The following ENOX1 variants were observed in gnomAD, a reference collection of about 807,000 sequenced individuals.
ENOX1 encodes the protein candidate growth-related and time keeping constitutive hydroquinone (NADH) oxidase.
A neutral mutation model predicts 82.5 loss-of-function variants in ENOX1; 42 were observed. That is an observed-to-expected ratio of 0.51 (90% CI 0.40 to 0.66). The LOEUF (loss-of-function observed/expected upper bound fraction) is 0.66, where lower values mean the gene tolerates loss of function less well. Ranked by LOEUF, ENOX1 falls within the 30% of genes least tolerant of loss-of-function variation. The pLI, the probability that ENOX1 is intolerant of heterozygous loss-of-function variation, is 0.00. For synonymous variants in ENOX1, 271 were observed against 282.2 expected, an observed-to-expected ratio of 0.96 and a Z score of 0.40; for missense variants, 608 against 811.6, an observed-to-expected ratio of 0.75 and a Z score of 3.05.
At chr13:43,655,523 CAACT>C (rs751773449) in intron 2 of ENOX1, among the ~76,000 whole-genome samples, 4 of 152,140 alleles carry the variant, frequency 2.6e-5, no homozygotes, top group Non-Finnish European at 5.9e-5. Context: ...TAGCATGCAC[CAACT>C]GTCTTCCTCC....
intron 2 of ENOX1, among the ~76,000 whole-genome samples, chr13:43,625,240 T>C (rs905828285): frequency 6.6e-6 from 1 of 152,048 alleles, no homozygotes; most frequent in African/African-American, 2.4e-5. Context: ...CTTGCTGAGC[T>C]AACTCCAGGA....
intron 5 of ENOX1, among the ~76,000 whole-genome samples, chr13:43,399,825 A>T (rs1168288042): frequency 1.3e-5 from 2 of 152,014 alleles, no homozygotes; most frequent in Admixed American, 1.3e-4. Context: ...CACAGAAAGG[A>T]TCCCCACATA....
chr13:43,776,777 C>G (rs897661947), intron 1 of ENOX1, among the ~76,000 whole-genome samples: 2 of 151,666 alleles, frequency 1.3e-5, no homozygotes, highest in Non-Finnish European at 2.9e-5. Flanking sequence ...ACAAGCTGTG[C>G]TACAGACGTG....
chr13:43,763,169 T>C (rs1951079091), intron 1 of ENOX1, among the ~76,000 whole-genome samples: 1 of 152,230 alleles, frequency 6.6e-6, no homozygotes. Context: ...GCCTTGTCTA[T>C]GTCTGGGCTG....
At chr13:43,393,262 T>C (rs2153583278) in intron 5 of ENOX1, among the ~76,000 whole-genome samples, 1 of 152,370 alleles carries the variant, frequency 6.6e-6, no homozygotes, top group Admixed American at 6.5e-5. Flanking sequence ...TATGGGTATT[T>C]AGGCCTAAGT....
intron 2 of ENOX1, among the ~76,000 whole-genome samples, chr13:43,598,206 A>G (rs200905739): frequency 3.7e-5 from 2 of 53,626 alleles, no homozygotes; most frequent in South Asian, 1.4e-3. Flanking sequence ...GCCTTTAAAG[A>G]AAAAAAAAAA....
At chr13:43,565,033 G>T (rs547797235) in intron 2 of ENOX1, among the ~76,000 whole-genome samples, 1 of 152,276 alleles carries the variant, frequency 6.6e-6, no homozygotes, top group South Asian at 2.1e-4. Flanking sequence ...TGGGGAAGGG[G>T]AGAAGCAATG....
intron 1 of ENOX1, among the ~76,000 whole-genome samples, chr13:43,718,030 G>T (rs1217591200): frequency 6.6e-6 from 1 of 151,930 alleles, no homozygotes; most frequent in Admixed American, 6.6e-5. Flanking sequence ...CTCACTACTG[G>T]GTATATACCC....
intron 3 of ENOX1, among the ~76,000 whole-genome samples, chr13:43,467,686 T>C (rs949000141): frequency 6.6e-6 from 1 of 152,166 alleles, no homozygotes; most frequent in African/African-American, 2.4e-5. Context: ...TCTATATTTT[T>C]CTTTTGCTGT....
At chr13:43,495,317 G>A (rs984672695) in intron 2 of ENOX1, among the ~76,000 whole-genome samples, 2 of 152,034 alleles carry the variant, frequency 1.3e-5, no homozygotes, top group African/African-American at 4.8e-5. Context: ...ACCCCTGAAA[G>A]TTTCCTTCTA....
chr13:43,247,844 TATATATATATATATATATATATATATATA>T (rs1566328413), intron 14 of ENOX1, among the ~76,000 whole-genome samples: 1,066 of 5,080 alleles, frequency 0.21, 85 homozygotes, highest in East Asian at 0.26. Context: ...TATATATATA[TATATATATATATATATATATATATATATA>T]TATATATATA....
intron 2 of ENOX1, among the ~76,000 whole-genome samples, chr13:43,620,924 G>A (rs1055921655): frequency 6.6e-6 from 1 of 152,092 alleles, no homozygotes; most frequent in Admixed American, 6.6e-5. Flanking sequence ...AAACTTGGGA[G>A]CTCCAGTGTT....
chr13:43,362,894 A>G (rs946288795), intron 5 of ENOX1, among the ~76,000 whole-genome samples: 1 of 151,770 alleles, frequency 6.6e-6, no homozygotes, highest in African/African-American at 2.4e-5. Context: ...ATAGTGTATC[A>G]GTGTGACTTC....
intron 3 of ENOX1, among the ~76,000 whole-genome samples, chr13:43,465,924 T>A (rs1055319939): frequency 8.5e-5 from 13 of 152,188 alleles, no homozygotes; most frequent in Non-Finnish European, 1.5e-4. Flanking sequence ...AGATTTCTGT[T>A]ACTTTAAAAT....
intron 1 of ENOX1, among the ~76,000 whole-genome samples, chr13:43,785,782 T>C (rs953181397): frequency 1.2e-4 from 19 of 152,004 alleles, no homozygotes; most frequent in African/African-American, 4.1e-4. Context: ...GAGGGCGGGG[T>C]TACGCCTTCA....
At chr13:43,580,976 T>C (rs73476073) in intron 2 of ENOX1, among the ~76,000 whole-genome samples, 1,601 of 152,218 alleles carry the variant, frequency 0.011, 32 homozygotes, top group African/African-American at 0.037. Flanking sequence ...GTTAGGACCT[T>C]GTGTTGAAAT....
intron 2 of ENOX1, among the ~76,000 whole-genome samples, chr13:43,647,575 T>C (rs1357259157): frequency 6.6e-6 from 1 of 152,170 alleles, no homozygotes; most frequent in Admixed American, 6.5e-5. Flanking sequence ...ATAAATGACT[T>C]AGGAAGACTC....
At chr13:43,245,962 G>A (rs558919640) in intron 14 of ENOX1, among the ~76,000 whole-genome samples, 11 of 152,266 alleles carry the variant, frequency 7.2e-5, no homozygotes, top group Admixed American at 2.0e-4. Flanking sequence ...AACTAGTTAC[G>A]GCTCACACGA....
At chr13:43,268,443 ATTAG>A (rs1020547088) in intron 13 of ENOX1, among the ~76,000 whole-genome samples, 10 of 152,334 alleles carry the variant, frequency 6.6e-5, no homozygotes, top group Non-Finnish European at 1.0e-4. Context: ...AAAGATAATT[ATTAG>A]TTTTATAAAG....
Sources: allele counts gnomAD v4.1 joint callset (sites outside exome capture counted in the v4.1 genomes callset), GRCh38; gene constraint gnomAD v4.1.1; transcripts MANE v1.5; gene names NCBI Gene and HGNC (gene_info 2026-07-23, HGNC 2026-07-21).